GABRB1: variants seen among roughly 807,000 people sequenced by gnomAD.
GABRB1 encodes the protein gamma-aminobutyric acid receptor subunit beta-1.
In GABRB1, 17 loss-of-function variants were observed where a neutral mutation model predicts 51.6. The observed-to-expected ratio is 0.33, with a 90% CI of 0.23 to 0.49. The LOEUF is 0.49. Ranked by LOEUF, GABRB1 falls within the 20% of genes least tolerant of loss-of-function variation. The pLI, the probability that GABRB1 is intolerant of heterozygous loss-of-function variation, is 0.99. For missense variants in GABRB1, 410 were observed against 600.6 expected, an observed-to-expected ratio of 0.68 and a Z score of 3.32; for synonymous variants, 247 against 218.9, an observed-to-expected ratio of 1.13 and a Z score of -1.14.
At chr4:47,175,093 TTTCC>T (rs913498901) in intron 4 of GABRB1, among the ~76,000 whole-genome samples, 23 of 145,666 alleles carry the variant, frequency 1.6e-4, no homozygotes, top group Non-Finnish European at 2.4e-4. Context: ...CCCTTGTTTG[TTTCC>T]TTCCTTCCTT....
At chr4:47,137,287 G>A (rs1263677747) in intron 3 of GABRB1, among the ~76,000 whole-genome samples, 1 of 150,612 alleles carries the variant, frequency 6.6e-6, no homozygotes, top group African/African-American at 2.4e-5. Context: ...TCTGATGAGC[G>A]AGGAACACCA....
At position 47,405,769 on chromosome 4, in the gene GABRB1, A is replaced by G. The variant is rs533415746; in HGVS notation, c.836-913A>G. On this transcript the variant is annotated intron_variant, in intron 7 of 8. Transcript: ENST00000295454. ...TTAGTATTGCAGAACAAATATCTAC[A>G]CTAGATTCCAACTTCTTTTTCACTT... Among the ~76,000 whole-genome samples the G allele has an allele frequency of 3.9e-5, 6 of 152,326 alleles. No individual in the cohort carries two copies. In the South Asian group the frequency reaches 1.2e-3, roughly 32 times the overall value.
At chr4:47,120,169 C>T (rs184618151) in intron 3 of GABRB1, among the ~76,000 whole-genome samples, 8 of 152,210 alleles carry the variant, frequency 5.3e-5, no homozygotes, top group African/African-American at 1.7e-4. Context: ...TAGGATACAA[C>T]AATGTGTGTA....
chr4:47,178,351 G>C (rs1346454986), intron 4 of GABRB1, among the ~76,000 whole-genome samples: 2 of 151,986 alleles, frequency 1.3e-5, no homozygotes, highest in Non-Finnish European at 2.9e-5. Context: ...TAAATGGAAG[G>C]CTCTCTCATG....
chr4:47,377,239 G>A (rs1328788912), intron 5 of GABRB1, among the ~76,000 whole-genome samples: 1 of 152,174 alleles, frequency 6.6e-6, no homozygotes, highest in Non-Finnish European at 1.5e-5. Context: ...CACCTCCTGG[G>A]TTCAAGTGAT....
intron 4 of GABRB1, among the ~76,000 whole-genome samples, chr4:47,219,663 T>C (rs16860071): frequency 0.34 from 50,796 of 151,630 alleles, 8,817 homozygotes; most frequent in African/African-American, 0.35. Context: ...CTTCCCACAA[T>C]CCTATTCCTC....
chr4:47,032,899 A>C, intron 3 of GABRB1: 5 of 367,952 alleles, frequency 1.4e-5, no homozygotes, highest in Non-Finnish European at 2.2e-5. Flanking sequence ...GGCAATCCCC[A>C]TGGCCCTCGC....
At chr4:47,372,879 A>G (rs976216107) in intron 5 of GABRB1, among the ~76,000 whole-genome samples, 4 of 152,026 alleles carry the variant, frequency 2.6e-5, no homozygotes, top group African/African-American at 4.8e-5. Context: ...ATCATCACCA[A>G]CTACTACCTT....
chr4:47,150,212 C>T (rs991653747), intron 3 of GABRB1, among the ~76,000 whole-genome samples: 1 of 144,400 alleles, frequency 6.9e-6, no homozygotes, highest in Non-Finnish European at 1.5e-5. Context: ...CACACACACA[C>T]ACACGCACAC....
chr4:47,041,104 T>C (rs1245929487), intron 3 of GABRB1, among the ~76,000 whole-genome samples: 1 of 152,140 alleles, frequency 6.6e-6, no homozygotes, highest in Non-Finnish European at 1.5e-5. Flanking sequence ...GTGTGAGTTC[T>C]TGTAGAAAGT....
At chr4:47,106,429 T>C (rs564345993) in intron 3 of GABRB1, among the ~76,000 whole-genome samples, 2 of 152,164 alleles carry the variant, frequency 1.3e-5, no homozygotes, top group South Asian at 2.1e-4. Flanking sequence ...ATCTATGTTA[T>C]AGAAAAAAAA....
chr4:47,206,026 C>T (rs537071813), intron 4 of GABRB1, among the ~76,000 whole-genome samples: 103 of 151,826 alleles, frequency 6.8e-4, no homozygotes, highest in Middle Eastern at 3.4e-3. Flanking sequence ...TAATAAAACA[C>T]TTCCCGTTTG....
chr4:47,078,218 A>G (rs1727659873), intron 3 of GABRB1, among the ~76,000 whole-genome samples: 1 of 151,362 alleles, frequency 6.6e-6, no homozygotes, highest in African/African-American at 2.4e-5. Context: ...CGAACTCCCA[A>G]CCTCAGATGA....
intron 3 of GABRB1, among the ~76,000 whole-genome samples, chr4:47,082,429 T>C (rs1419797262): frequency 3.3e-5 from 5 of 152,070 alleles, no homozygotes; most frequent in African/African-American, 1.2e-4. Flanking sequence ...AAAATTGTAC[T>C]AGCTTCACAC....
chr4:47,377,866 A>G (rs964095423), intron 5 of GABRB1, among the ~76,000 whole-genome samples: 1 of 152,102 alleles, frequency 6.6e-6, no homozygotes, highest in Admixed American at 6.5e-5. Flanking sequence ...GCTGATTGGT[A>G]TGTTTACAAA....
rs758048482 is a variant in GABRB1, at chr4:47,342,537, C to G, written c.544+22328C>G. On this transcript the variant is annotated intron_variant, in intron 5 of 8. Coordinates refer to ENST00000295454, the MANE Select transcript of GABRB1 (RefSeq NM_000812.4). ...TACAGTTGAAAGAAACAGACCTCAG[C>G]TTTATCACTTAGTTTTCTAATGGCT... Among the ~76,000 whole-genome samples the G allele has an allele frequency of 2.1e-3, 321 of 152,230 alleles. 5 individuals carry two copies. Among genetic ancestry groups the G allele is most frequent in the Non-Finnish European group, 2.4e-3 (164 of 68,008 alleles).
intron 3 of GABRB1, among the ~76,000 whole-genome samples, chr4:47,114,468 G>A (rs781364916): frequency 2.0e-4 from 31 of 152,136 alleles, no homozygotes; most frequent in Non-Finnish European, 4.1e-4. Context: ...TTTATATTTT[G>A]TGGCCATCTG....
Position 47,403,382 on chromosome 4 carries a change from T to G in GABRB1, c.609T>G (p.Val203=). 6.2e-7 allele frequency: 1 copy of G among 1,614,044 alleles called. No homozygotes were observed. Among genetic ancestry groups the G allele is most frequent in the South Asian group, 1.1e-5 (1 of 91,076 alleles). The change falls in exon 6 of 9, where the codon GTT becomes GTG. Residue 203 remains valine (V), a synonymous_variant. Coordinates refer to ENST00000295454, the MANE Select transcript of GABRB1 (RefSeq NM_000812.4). ...WNGGEGAVTG[V]NKIELPQFSI... ...GAGGAGAAGGGGCAGTCACTGGTGT[T>G]AATAAAATCGAACTTCCTCAATTTT...
intron 4 of GABRB1, among the ~76,000 whole-genome samples, chr4:47,291,197 G>A (rs1189362795): frequency 6.6e-6 from 1 of 152,190 alleles, no homozygotes; most frequent in Admixed American, 6.5e-5. Flanking sequence ...ATGGGGCAAG[G>A]TACAGCTCAG....
Sources: gnomAD v4.1 joint callset for allele counts (sites outside exome capture counted in the v4.1 genomes callset) on GRCh38, gnomAD v4.1.1 for gene constraint, MANE v1.5 for transcripts, NCBI Gene and HGNC (gene_info 2026-07-23, HGNC 2026-07-21) for gene names.